MVB12B: variants seen among roughly 807,000 people sequenced by gnomAD.
The protein encoded by MVB12B is multivesicular body subunit 12B.
In MVB12B, 16 loss-of-function variants were observed where a neutral mutation model predicts 41.6. That is an observed-to-expected ratio of 0.38 (90% CI 0.26 to 0.58). MVB12B has a LOEUF of 0.58. Among genes scored for constraint, MVB12B ranks in the 20% least tolerant of loss-of-function variants. The pLI is 0.62. For synonymous variants in MVB12B, 133 were observed against 139.7 expected (o/e 0.95, Z 0.34); for missense variants, 274 against 380.2 (o/e 0.72, Z 2.32).
intron 6 of MVB12B, among the ~76,000 whole-genome samples, chr9:126,403,104 T>C (rs1157611892): frequency 1.3e-5 from 2 of 152,204 alleles, no homozygotes; most frequent in South Asian, 2.1e-4. Context: ...GCCTGTAACC[T>C]TAAAGTCTGT....
intron 9 of MVB12B, among the ~76,000 whole-genome samples, chr9:126,491,252 C>T (rs1173735979): frequency 3.9e-5 from 6 of 152,184 alleles, no homozygotes; most frequent in Non-Finnish European, 8.8e-5. Context: ...TTCAAATATA[C>T]GAGGTTAGCG....
At chr9:126,454,632 C>T (rs966996237) in intron 7 of MVB12B, among the ~76,000 whole-genome samples, 4 of 152,220 alleles carry the variant, frequency 2.6e-5, no homozygotes, top group African/African-American at 9.7e-5. Flanking sequence ...TTAACCCCTG[C>T]ATGGCTTTAG....
chr9:126,407,001 T>G (rs566105346), intron 6 of MVB12B, among the ~76,000 whole-genome samples: 20 of 152,356 alleles, frequency 1.3e-4, no homozygotes, highest in African/African-American at 4.8e-4. Flanking sequence ...AGATTAAGCA[T>G]TCATCCTGAA....
chr9:126,394,956 G>A (rs1831066233), intron 5 of MVB12B, among the ~76,000 whole-genome samples: 2 of 152,092 alleles, frequency 1.3e-5, no homozygotes, highest in African/African-American at 2.4e-5. Flanking sequence ...AGTAGGGGGC[G>A]GGGCTGTGGT....
intron 2 of MVB12B, among the ~76,000 whole-genome samples, chr9:126,360,298 A>G (rs756636361): frequency 4.6e-5 from 7 of 152,226 alleles, no homozygotes; most frequent in Non-Finnish European, 8.8e-5. Context: ...GGCTTACAAT[A>G]TGAGTCAGCA....
intron 2 of MVB12B, among the ~76,000 whole-genome samples, chr9:126,369,145 A>C (rs919812186): frequency 4.6e-5 from 7 of 152,230 alleles, no homozygotes; most frequent in Admixed American, 3.9e-4. Flanking sequence ...TTAGCAAATA[A>C]AAATACAGGA....
At position 126,404,733 on chromosome 9, in the gene MVB12B, A is replaced by G. The variant is rs7847992; in HGVS notation, c.662+9036A>G. Among the ~76,000 whole-genome samples the G allele has an allele frequency of 1.7e-3, 258 of 152,370 alleles. 1 individual carries two copies. Among genetic ancestry groups the G allele is most frequent in the African/African-American group, 6.1e-3 (254 of 41,594 alleles). On this transcript the variant is annotated intron_variant, in intron 6 of 9. Coordinates refer to ENST00000361171, the MANE Select transcript of MVB12B (RefSeq NM_033446.3). ...TGAGGGAACATGTGGAGGCCAGCCC[A>G]GGAGGTCCCAGCACCACCATCCCTC... is the stretch of plus-strand genomic sequence containing the variant.
chr9:126,327,153 C>T (rs1829001517), intron 1 of MVB12B, 143 bp downstream of exon 1: 3 of 684,472 alleles, frequency 4.4e-6, no homozygotes, highest in Non-Finnish European at 5.4e-6. Flanking sequence ...GCTCCGTGCC[C>T]GGCCCGCGGC....
intron 6 of MVB12B, among the ~76,000 whole-genome samples, chr9:126,421,004 GC>G (rs1378558767): frequency 6.6e-6 from 1 of 152,148 alleles, no homozygotes; most frequent in East Asian, 1.9e-4. Flanking sequence ...AGGCTCCTGA[GC>G]TATTGCAACA....
intron 2 of MVB12B, among the ~76,000 whole-genome samples, chr9:126,342,752 C>T (rs1038506264): frequency 6.6e-5 from 10 of 152,092 alleles, no homozygotes; most frequent in East Asian, 5.8e-4. Flanking sequence ...TCAAGGAAGG[C>T]GGGGAGGGCA....
At chr9:126,489,918 C>T (rs547154698) in intron 9 of MVB12B, among the ~76,000 whole-genome samples, 10 of 152,276 alleles carry the variant, frequency 6.6e-5, no homozygotes, top group African/African-American at 1.9e-4. Context: ...CCCACCTGTC[C>T]GTGCCTTGTC....
chr9:126,348,858 C>G (rs1588093754), intron 2 of MVB12B, among the ~76,000 whole-genome samples: 1 of 152,116 alleles, frequency 6.6e-6, no homozygotes, highest in Admixed American at 6.5e-5. Context: ...AATGTTACAA[C>G]CAGGATACTG....
intron 7 of MVB12B, among the ~76,000 whole-genome samples, chr9:126,454,748 A>T (rs1160337776): frequency 6.6e-6 from 1 of 151,262 alleles, no homozygotes; most frequent in Non-Finnish European, 1.5e-5. Flanking sequence ...CACGTAATAC[A>T]GTGAATAGCC....
chr9:126,476,083 C>T (rs1056681588), intron 7 of MVB12B, among the ~76,000 whole-genome samples: 1 of 97,318 alleles, frequency 1.0e-5, no homozygotes, highest in Non-Finnish European at 2.8e-5. Flanking sequence ...GGAGCGAGGC[C>T]GTCAAAGTCC....
chr9:126,482,885 G>A (rs1564347194), intron 8 of MVB12B, among the ~76,000 whole-genome samples: 2 of 152,240 alleles, frequency 1.3e-5, no homozygotes, highest in South Asian at 2.1e-4. Flanking sequence ...GCAGCGCCCC[G>A]CAGCCCCACT....
intron 2 of MVB12B, among the ~76,000 whole-genome samples, chr9:126,351,483 CTTTT>C (rs34141510): frequency 1.2e-5 from 1 of 86,296 alleles, no homozygotes; most frequent in African/African-American, 4.6e-5. Flanking sequence ...GTCTTTCACT[CTTTT>C]TTTTTTTTTT....
chr9:126,458,752 C>G (rs1833034831), intron 7 of MVB12B, among the ~76,000 whole-genome samples: 1 of 152,110 alleles, frequency 6.6e-6, no homozygotes, highest in Non-Finnish European at 1.5e-5. Context: ...AAATTCAGGG[C>G]AGATTTTCAA....
At chr9:126,475,382 A>G (rs1833401015) in intron 7 of MVB12B, among the ~76,000 whole-genome samples, 1 of 152,230 alleles carries the variant, frequency 6.6e-6, no homozygotes, top group Non-Finnish European at 1.5e-5. Context: ...TGGTTCAACC[A>G]GTTATGGATT....
intron 1 of MVB12B, among the ~76,000 whole-genome samples, chr9:126,328,820 T>C (rs1227012200): frequency 1.3e-5 from 2 of 152,140 alleles, no homozygotes; most frequent in Non-Finnish European, 2.9e-5. Context: ...GGTCTCACTG[T>C]CACTCAGGCT....
Sources: allele counts gnomAD v4.1 joint callset (sites outside exome capture counted in the v4.1 genomes callset), GRCh38; gene constraint gnomAD v4.1.1; transcripts MANE v1.5; gene names NCBI Gene and HGNC (gene_info 2026-07-23, HGNC 2026-07-21).